USP34: variants seen among roughly 807,000 people sequenced by gnomAD.
USP34 encodes the protein ubiquitin specific peptidase 34.
Under a neutral mutation model 460.3 loss-of-function variants are expected in USP34, and 70 were observed. That is an observed-to-expected ratio of 0.15 (90% CI 0.13 to 0.19). The LOEUF (loss-of-function observed/expected upper bound fraction) is 0.19. USP34 is among the 10% of genes least tolerant of loss of function. The pLI, the probability that USP34 is intolerant of heterozygous loss-of-function variation, is 1.00. For synonymous variants in USP34, 1,647 were observed against 1,405.3 expected (o/e 1.17, Z -3.85); for missense variants, 3,985 against 4,236.2 (o/e 0.94, Z 1.65).
At chr2:61,318,355 A>T (rs1690815278) in intron 22 of USP34, among the ~76,000 whole-genome samples, 1 of 152,202 alleles carries the variant, frequency 6.6e-6, no homozygotes, top group African/African-American at 2.4e-5. Context: ...CCTATACTAA[A>T]CAAACTTATG....
chr2:61,371,036 C>A (rs1055183868), intron 8 of USP34, among the ~76,000 whole-genome samples: 1 of 152,142 alleles, frequency 6.6e-6, no homozygotes. Flanking sequence ...CTGGCTGATA[C>A]TATTGAAGAT....
At chr2:61,390,443 G>A (rs1384049156) in intron 5 of USP34, among the ~76,000 whole-genome samples, 1 of 152,184 alleles carries the variant, frequency 6.6e-6, no homozygotes, top group East Asian at 1.9e-4. Context: ...CATTCGCAAA[G>A]TAAGAAAACT....
intron 5 of USP34, among the ~76,000 whole-genome samples, chr2:61,391,615 T>TCA (rs1387826825): frequency 1.3e-5 from 2 of 152,134 alleles, no homozygotes; most frequent in Non-Finnish European, 2.9e-5. Flanking sequence ...AATAGAGACC[T>TCA]CACCCTATTG....
At chr2:61,374,553 G>GC (rs1475298886) in intron 8 of USP34, among the ~76,000 whole-genome samples, 1 of 152,010 alleles carries the variant, frequency 6.6e-6, no homozygotes, top group African/African-American at 2.4e-5. Flanking sequence ...TTGCTTCAGA[G>GC]CTCATACAGA....
chr2:61,227,900 T>C (rs949463967), intron 61 of USP34, among the ~76,000 whole-genome samples: 1 of 151,856 alleles, frequency 6.6e-6, no homozygotes, highest in African/African-American at 2.4e-5. Flanking sequence ...TTATACAAAA[T>C]AAGAAATTCT....
chr2:61,239,784 G>A (rs572129712), intron 53 of USP34, among the ~76,000 whole-genome samples: 21 of 152,180 alleles, frequency 1.4e-4, no homozygotes, highest in African/African-American at 2.2e-4. Context: ...CGAGATGGGC[G>A]GATCAGGAGG....
intron 1 of USP34, among the ~76,000 whole-genome samples, chr2:61,458,622 G>GA (rs59134299): frequency 1.5e-3 from 168 of 113,200 alleles, no homozygotes; most frequent in Middle Eastern, 5.0e-3. Flanking sequence ...AGGCAAAAAG[G>GA]AAAAAAAAAA....
Position 61,188,500 on chromosome 2 carries a change from A to G in USP34, c.10243T>C (p.Tyr3415His), listed in dbSNP as rs775537939. The part of the protein sequence containing the change: ...PSPENSSVKE[Y>H]RMEVPSSFSE... ...AACGAAGATGGAACTTCCATTCGGT[A>G]TTCTTTAACAGAACTATTTTCAGGG... Residue 3415 changes from tyrosine to histidine, a missense_variant, in exon 80 of 80, where the codon TAC becomes CAC. Around this residue, in one of 14 missense-constraint regions of USP34, gnomAD observed 506 missense variants for 439.0 expected, o/e 1.15. Coordinates refer to ENST00000398571, the MANE Select transcript of USP34 (RefSeq NM_014709.4). 6.2e-7 allele frequency: 1 copy of G among 1,614,224 alleles called. No individual in the cohort carries two copies. Among genetic ancestry groups the G allele is most frequent in the Non-Finnish European group, 8.5e-7 (1 of 1,180,034 alleles).
At chr2:61,204,096 A>G (rs567370108) in intron 74 of USP34, among the ~76,000 whole-genome samples, 160 bp downstream of exon 74, 1 of 152,362 alleles carries the variant, frequency 6.6e-6, no homozygotes, top group South Asian at 2.1e-4. Flanking sequence ...TGTTCAACCA[A>G]CATTTCAGAG....
intron 75 of USP34, among the ~76,000 whole-genome samples, chr2:61,199,445 AG>A (rs1686904625): frequency 2.0e-5 from 3 of 152,118 alleles, no homozygotes; most frequent in Non-Finnish European, 2.9e-5. Flanking sequence ...CAGTAGAGAC[AG>A]GGTTTTGCCA....
Position 61,229,624 on chromosome 2 carries a change from G to A in USP34, c.7123C>T (p.Arg2375Cys). The change falls in exon 59 of 80, where the codon CGT becomes TGT. Residue 2375 changes from arginine to cysteine, a missense_variant. Physicochemically the swap from Arg to Cys is radical, Grantham distance 180. Coordinates refer to ENST00000398571, the MANE Select transcript of USP34 (RefSeq NM_014709.4). ...PNQIVRQMFQRLCIHVIQRLR... is the reference protein window; with the variant it reads ...PNQIVRQMFQCLCIHVIQRLR... ...CTCTGAATCACATGGATACACAAAC[G>A]CTGAAACATCTGTGAAGAAAGAAAA... The A allele has an allele frequency of 6.2e-7, 1 of 1,611,194 alleles. No individual in the cohort carries two copies. Among genetic ancestry groups the A allele is most frequent in the Non-Finnish European group, 8.5e-7 (1 of 1,179,050 alleles).
At chr2:61,294,054 A>T (rs116324729) in intron 32 of USP34, among the ~76,000 whole-genome samples, 1,927 of 151,824 alleles carry the variant, frequency 0.013, 24 homozygotes, top group Non-Finnish European at 0.019. Context: ...TTAAAAAAAT[A>T]TACACTTGAG....
Position 61,348,085 on chromosome 2 carries a change from T to G in USP34, c.2070A>C (p.Arg690=), listed in dbSNP as rs763284838. 9.9e-6 allele frequency: 16 copies of G among 1,614,076 alleles called. No homozygotes were observed. The East Asian group carries it at 3.6e-4, about 36-fold the overall frequency. ...ESLPSVDNRM[R]MLDACSHSED... is the part of the protein sequence containing the mutation. ...CAGAGTGTGAACAAGCATCCAGCAT[T>G]CGCATTCGATTATCTACTGATGGCA... The change falls in exon 15 of 80, where the codon CGA becomes CGC. Residue 690 remains arginine, a synonymous_variant. Transcript: ENST00000398571.
chr2:61,258,148 G>A (rs1194673661), intron 44 of USP34, among the ~76,000 whole-genome samples: 1 of 152,046 alleles, frequency 6.6e-6, no homozygotes, highest in Non-Finnish European at 1.5e-5. Context: ...GAGCCCAGGA[G>A]TTCAGCACCA....
Position 61,418,857 on chromosome 2 carries a change from C to T in USP34, c.131+1889G>A, listed in dbSNP as rs1192382620. On this transcript the variant is annotated intron_variant, in intron 2 of 79. Coordinates refer to ENST00000398571, the MANE Select transcript of USP34 (RefSeq NM_014709.4). ...TACTACGAGCTAACAACTGTTCATA[C>T]TTACTGACAGGTGAACAAAATTACA... Among the ~76,000 whole-genome samples, 3 of 151,874 alleles carry T rather than the reference C, an allele frequency of 2.0e-5. No homozygotes were observed. The South Asian group carries it at 6.2e-4, about 31-fold the overall frequency.
chr2:61,404,599 C>A (rs1446154427), intron 3 of USP34, among the ~76,000 whole-genome samples: 1 of 152,110 alleles, frequency 6.6e-6, no homozygotes, highest in Non-Finnish European at 1.5e-5. Context: ...GAAAATAAGC[C>A]ATGTGGAGAA....
Position 61,259,643 on chromosome 2 carries a change from C to A in USP34, c.5844+68G>T. The A allele has an allele frequency of 6.6e-7, 1 of 1,512,174 alleles. No homozygotes were observed. The highest frequency in any genetic ancestry group is 9.1e-7 in the Non-Finnish European group (1 of 1,101,956). The allele number at this position is 1,512,174 out of a possible 1,614,324, so 93.7% of individuals were successfully genotyped here. A position where few individuals can be genotyped will look rare whatever the true frequency, so the allele number is the denominator to read the frequency against. Reference sequence around the variant, plus strand: ...TCAAGCCATCCACCCACCTTGGCCTCCCAAAATGCTATAATTACAGGCATG... The same window carrying A: ...TCAAGCCATCCACCCACCTTGGCCTACCAAAATGCTATAATTACAGGCATG... On this transcript the variant is annotated intron_variant, in intron 44 of 79. Transcript: ENST00000398571.
intron 7 of USP34, among the ~76,000 whole-genome samples, chr2:61,379,536 A>G (rs1692910830): frequency 2.0e-5 from 3 of 152,178 alleles, no homozygotes; most frequent in African/African-American, 7.2e-5. Flanking sequence ...AAAACAAAAC[A>G]AAACAAAAAC....
At chr2:61,287,303 T>C (rs900275155) in intron 34 of USP34, among the ~76,000 whole-genome samples, 4 of 152,216 alleles carry the variant, frequency 2.6e-5, no homozygotes, top group Non-Finnish European at 5.9e-5. Context: ...CTCAAAAGGT[T>C]ACAAAATGAG....
Sources: allele counts gnomAD v4.1 joint callset (sites outside exome capture counted in the v4.1 genomes callset), GRCh38; gene constraint gnomAD v4.1.1; regional missense constraint gnomAD v4.1.1; transcripts MANE v1.5; gene names NCBI Gene and HGNC (gene_info 2026-07-23, HGNC 2026-07-21).